Variants in FRMPD4 observed in about 807,000 individuals in gnomAD.
The protein encoded by FRMPD4 is FERM and PDZ domain-containing protein 4.
A neutral mutation model predicts 94.1 loss-of-function variants in FRMPD4; 22 were observed. That is an observed-to-expected ratio of 0.23 (90% CI 0.17 to 0.33). The LOEUF (loss-of-function observed/expected upper bound fraction) is 0.33. Ranked by LOEUF, FRMPD4 falls within the 10% of genes least tolerant of loss-of-function variation. FRMPD4 has a pLI of 1.00. For synonymous variants in FRMPD4, 631 were observed against 548.6 expected, an observed-to-expected ratio of 1.15 and a Z score of -2.10; for missense variants, 1,111 against 1,339.9, an observed-to-expected ratio of 0.83 and a Z score of 2.67.
chrX:11,822,599 T>C (rs1049403652), exon 1 of FRMPD4, among the ~76,000 whole-genome samples: 1 of 112,212 alleles, frequency 8.9e-6, no homozygotes, highest in Non-Finnish European at 1.9e-5. Flanking sequence ...GGGAATGAGA[T>C]GTAAGCCAGG....
chrX:12,223,964 A>C (rs1327643599), intron 1 of FRMPD4, among the ~76,000 whole-genome samples: 1 of 110,831 alleles, frequency 9.0e-6, no homozygotes, highest in Admixed American at 9.8e-5. Flanking sequence ...CAGCCTCAGC[A>C]CTATTGACAT....
In FRMPD4 at chrX:12,664,385, C is replaced by T. The variant is rs138272429; in HGVS notation, c.423-10478C>T. ...ATTTTGAGATACATTCCATCAATAC[C>T]TAGTTTATTGAGAGTTTTTAGCATG... On this transcript the variant is annotated intron_variant, in intron 4 of 16. Coordinates refer to ENST00000675598, the MANE Select transcript of FRMPD4 (RefSeq NM_001368397.1). Among the ~76,000 whole-genome samples the T allele has an allele frequency of 2.5e-4, 28 of 111,887 alleles. No homozygotes were observed. In the East Asian group the frequency reaches 7.6e-3, roughly 30 times the overall value.
At chrX:12,133,370 C>T (rs887832265) in intron 3 of FRMPD4, among the ~76,000 whole-genome samples, 7 of 110,114 alleles carry the variant, frequency 6.4e-5, no homozygotes, top group Non-Finnish European at 1.1e-4. Flanking sequence ...CTGCACCCAG[C>T]GAAACCCTTC....
chrX:11,864,920 A>G (rs1250218534), intron 1 of FRMPD4, among the ~76,000 whole-genome samples: 1 of 111,891 alleles, frequency 8.9e-6, no homozygotes, highest in Non-Finnish European at 1.9e-5. Context: ...AAAATTGACC[A>G]TTATTTAAAT....
At chrX:12,674,728 T>G in intron 4 of FRMPD4, 135 bp from the exon 5 acceptor site, 1 of 507,974 alleles carries the variant, frequency 2.0e-6, no homozygotes. Context: ...ATCTGAGCTA[T>G]TTGGTTTACT....
chrX:12,183,132 A>ATG (rs1428915649), intron 1 of FRMPD4, among the ~76,000 whole-genome samples: 2 of 111,378 alleles, frequency 1.8e-5, no homozygotes, highest in Non-Finnish European at 3.8e-5. Flanking sequence ...CTATATATAT[A>ATG]TATGTCAGCA....
chrX:11,917,791 T>C (rs767043524), intron 3 of FRMPD4, among the ~76,000 whole-genome samples: 1 of 109,748 alleles, frequency 9.1e-6, no homozygotes, highest in South Asian at 4.0e-4. Context: ...TTGGGTACTA[T>C]ATTCACTACT....
At chrX:12,065,476 G>T (rs2054913219) in intron 3 of FRMPD4, among the ~76,000 whole-genome samples, 1 of 111,897 alleles carries the variant, frequency 8.9e-6, no homozygotes, top group Admixed American at 9.5e-5. Flanking sequence ...CAGGCGTTCG[G>T]GCTGGCTGAC....
intron 9 of FRMPD4, among the ~76,000 whole-genome samples, chrX:12,697,467 C>G (rs2060144948): frequency 8.9e-6 from 1 of 112,111 alleles, no homozygotes; most frequent in Admixed American, 9.4e-5. Flanking sequence ...ATATACTCAC[C>G]CCATTCACAA....
intron 1 of FRMPD4, among the ~76,000 whole-genome samples, chrX:12,347,430 C>G (rs143818400): frequency 9.1e-6 from 1 of 109,881 alleles, no homozygotes. Context: ...GTGACAAGGT[C>G]TCATTCTGTT....
At chrX:12,150,317 G>A (rs1052922210) in intron 1 of FRMPD4, among the ~76,000 whole-genome samples, 8 of 111,864 alleles carry the variant, frequency 7.2e-5, no homozygotes, top group African/African-American at 2.3e-4. Flanking sequence ...TGCTCCTTCC[G>A]ATTTTTAGGA....
At chrX:12,248,191 A>G (rs2053981815) in intron 1 of FRMPD4, among the ~76,000 whole-genome samples, 1 of 112,282 alleles carries the variant, frequency 8.9e-6, no homozygotes, top group African/African-American at 3.2e-5. Flanking sequence ...GCTGACAGTA[A>G]TTTTCTACAT....
intron 1 of FRMPD4, among the ~76,000 whole-genome samples, chrX:11,829,481 C>T (rs1320558313): frequency 2.7e-5 from 3 of 111,883 alleles, no homozygotes; most frequent in Non-Finnish European, 5.6e-5. Flanking sequence ...ATCTGGGTGA[C>T]GGGATCATTT....
At chrX:11,833,601 G>A (rs1367224846) in intron 1 of FRMPD4, among the ~76,000 whole-genome samples, 1 of 111,763 alleles carries the variant, frequency 8.9e-6, no homozygotes, top group Non-Finnish European at 1.9e-5. Flanking sequence ...TAGTGGCTGG[G>A]AAAAGTAGAG....
chrX:12,437,088 T>C (rs967851848), intron 1 of FRMPD4, among the ~76,000 whole-genome samples: 2 of 111,972 alleles, frequency 1.8e-5, no homozygotes, highest in Non-Finnish European at 3.8e-5. Flanking sequence ...TTCTGTAGAG[T>C]GGATTGAATT....
intron 3 of FRMPD4, among the ~76,000 whole-genome samples, chrX:11,912,377 A>G (rs752118143): frequency 7.3e-4 from 82 of 112,767 alleles, no homozygotes; most frequent in African/African-American, 2.6e-3. Context: ...CCTGTCTTCA[A>G]TCTAAGTGAT....
In FRMPD4 at chrX:12,696,586, C is replaced by CAAAAAAAAAA. The variant is rs57877846; in HGVS notation, c.933+2143_933+2152dup. Reference sequence around the variant, plus strand: ...AAAGAGAGAAAAAACAAAAATGAAGCAAAAAAAAAAAAAAAAAAAAGACAC... The same window carrying CAAAAAAAAAA: ...AAAGAGAGAAAAAACAAAAATGAAGCAAAAAAAAAAAAAAAAAAAAAAAAAAAAAAGACAC... On this transcript the variant is annotated intron_variant, in intron 9 of 16. Transcript: ENST00000675598. Among the ~76,000 whole-genome samples the CAAAAAAAAAA allele has an allele frequency of 8.3e-3, 249 of 30,035 alleles. 6 individuals are homozygous for CAAAAAAAAAA. Among genetic ancestry groups the CAAAAAAAAAA allele is most frequent in the African/African-American group, 0.015 (145 of 9,500 alleles). The allele number at this position is 30,035 out of a possible 115,157, so 26.1% of individuals were successfully genotyped here.
chrX:12,639,105 G>A (rs1215405276), intron 4 of FRMPD4, among the ~76,000 whole-genome samples: 1 of 111,640 alleles, frequency 9.0e-6, no homozygotes, highest in Non-Finnish European at 1.9e-5. Flanking sequence ...TGGCATTCAT[G>A]GGAATAGCTC....
intron 3 of FRMPD4, among the ~76,000 whole-genome samples, chrX:12,093,135 A>T (rs374394975): frequency 4.6e-4 from 51 of 111,496 alleles, no homozygotes; most frequent in African/African-American, 1.6e-3. Context: ...TTAAAGAGGT[A>T]AGTGGGGAAC....
Sources: allele counts gnomAD v4.1 joint callset (sites outside exome capture counted in the v4.1 genomes callset), GRCh38; gene constraint gnomAD v4.1.1; transcripts MANE v1.5; gene names NCBI Gene and HGNC (gene_info 2026-07-23, HGNC 2026-07-21).